Variants in OSBPL6 observed in about 807,000 individuals in gnomAD.
OSBPL6 encodes oxysterol binding protein like 6.
Under a neutral mutation model 125.8 loss-of-function variants are expected in OSBPL6, and 49 were observed. That is an observed-to-expected ratio of 0.39 (90% CI 0.31 to 0.49). The LOEUF is 0.49. Ranked by LOEUF, OSBPL6 falls within the 20% of genes least tolerant of loss-of-function variation. The probability of loss-of-function intolerance (pLI) is 0.88; values close to 1 mark genes in which losing one functional copy is unlikely to be tolerated. For synonymous variants in OSBPL6, 394 were observed against 391.8 expected, an observed-to-expected ratio of 1.01 and a Z score of -0.07; for missense variants, 986 against 1,135.4, an observed-to-expected ratio of 0.87 and a Z score of 1.89.
chr2:178,208,061 G>A (rs1050031046), intron 1 of OSBPL6, among the ~76,000 whole-genome samples: 1 of 152,080 alleles, frequency 6.6e-6, no homozygotes, highest in Non-Finnish European at 1.5e-5. Flanking sequence ...AAGGTGGGCG[G>A]ATCACCTGAG....
intron 23 of OSBPL6, among the ~76,000 whole-genome samples, 183 bp from the exon 24 acceptor site, chr2:178,394,130 C>A (rs1311853131): frequency 6.6e-6 from 1 of 152,146 alleles, no homozygotes. Context: ...TCCTGGGAGG[C>A]AGAGGTTGCA....
rs1437558499 is a variant in OSBPL6 at position 178,400,231 on chromosome 2, A to AT, written c.*4679dup. ...GTTTTTTAATAAAATTGTTGCTAGA[A>AT]TTTTTTTGTCTTTTCAAGTTCTTTT... On this transcript the variant is annotated 3_prime_UTR_variant, in exon 25 of 25. Transcript: ENST00000190611. The AT allele has an allele frequency of 6.9e-6, 1 of 145,694 alleles. No homozygotes were observed. Among genetic ancestry groups the AT allele is most frequent in the Non-Finnish European group, 1.5e-5 (1 of 65,868 alleles). 9.0% of individuals were successfully genotyped at this position (145,694 alleles called of 1,614,324 possible).
intron 1 of OSBPL6, among the ~76,000 whole-genome samples, chr2:178,236,200 T>C (rs375029718): frequency 4.6e-5 from 7 of 152,334 alleles, no homozygotes; most frequent in African/African-American, 1.4e-4. Flanking sequence ...AAAATGATGA[T>C]GAAATACTCT....
At chr2:178,287,671 T>C (rs1457900250) in intron 2 of OSBPL6, among the ~76,000 whole-genome samples, 6 of 152,152 alleles carry the variant, frequency 3.9e-5, no homozygotes, top group Non-Finnish European at 8.8e-5. Flanking sequence ...TGAATTTTGT[T>C]TGCTAGATTC....
intron 12 of OSBPL6, among the ~76,000 whole-genome samples, chr2:178,358,081 C>T (rs1452079126): frequency 2.0e-5 from 3 of 151,840 alleles, no homozygotes; most frequent in Non-Finnish European, 4.4e-5. Flanking sequence ...GGGGCCTGTC[C>T]AGGGGTGAGG....
intron 11 of OSBPL6, among the ~76,000 whole-genome samples, chr2:178,348,019 C>T (rs892256422): frequency 6.6e-6 from 1 of 152,200 alleles, no homozygotes; most frequent in African/African-American, 2.4e-5. Flanking sequence ...TGCCCTTAAC[C>T]TGCAGCTCAG....
intron 1 of OSBPL6, among the ~76,000 whole-genome samples, chr2:178,217,213 A>T (rs1015573705): frequency 1.3e-5 from 2 of 152,210 alleles, no homozygotes; most frequent in Admixed American, 1.3e-4. Flanking sequence ...TCTAAGTGAA[A>T]GGGAAAGAGG....
At chr2:178,387,258 CTTTGCCAAAGT>C in intron 20 of OSBPL6, 119 bp downstream of exon 20, 1 of 738,312 alleles carries the variant, frequency 1.4e-6, no homozygotes, top group Non-Finnish European at 2.1e-6. Context: ...CTTCTGTTAC[CTTTGCCAAAGT>C]TTTGAGAATA....
At chr2:178,250,010 G>A (rs1003356397) in intron 1 of OSBPL6, among the ~76,000 whole-genome samples, 3 of 152,038 alleles carry the variant, frequency 2.0e-5, no homozygotes, top group Admixed American at 6.5e-5. Flanking sequence ...AACAATACCT[G>A]CTAATATTTT....
chr2:178,340,536 T>C (rs952373955), intron 11 of OSBPL6, among the ~76,000 whole-genome samples: 1 of 152,242 alleles, frequency 6.6e-6, no homozygotes, highest in Non-Finnish European at 1.5e-5. Flanking sequence ...ATTCAAAATA[T>C]GGTAGATTAT....
Position 178,336,420 on chromosome 2 carries a change from C to G in OSBPL6, c.777C>G (p.Asp259Glu). The G allele has an allele frequency of 6.2e-7, 1 of 1,613,958 alleles. No individual in the cohort carries two copies. Among genetic ancestry groups the G allele is most frequent in the Non-Finnish European group, 8.5e-7 (1 of 1,179,940 alleles). Residue 259 changes from aspartate (D) to glutamate (E), a missense_variant, in exon 9 of 25, where the codon GAC becomes GAG. By Grantham distance (45) the Asp-to-Glu change is conservative. Around this residue, in one of 3 missense-constraint regions of OSBPL6, gnomAD observed 843 missense variants for 997.3 expected, o/e 0.85. Transcript: ENST00000190611. ...AAWLQDSEEM[D>E]RCAEDLAHCQ... ...GGTTACAGGACTCGGAAGAGATGGA[C>G]AGGTGTGCAGAAGGTTAGTTCTTGC...
chr2:178,282,246 A>G (rs1684266937), intron 1 of OSBPL6, among the ~76,000 whole-genome samples: 1 of 152,240 alleles, frequency 6.6e-6, no homozygotes, highest in African/African-American at 2.4e-5. Flanking sequence ...TTATTTACAT[A>G]GGCAGGTAGC....
At chr2:178,265,191 CTTTTTTTTTTTTTTTTTT>C (rs376718500) in intron 1 of OSBPL6, among the ~76,000 whole-genome samples, 22 of 33,730 alleles carry the variant, frequency 6.5e-4, no homozygotes, top group East Asian at 9.7e-4. Flanking sequence ...CCAGACGAGA[CTTTTTTTTTTTTTTTTTT>C]TTTTTTTTTT....
chr2:178,371,433 A>C (rs1198339622), intron 13 of OSBPL6, among the ~76,000 whole-genome samples: 1 of 152,218 alleles, frequency 6.6e-6, no homozygotes, highest in Non-Finnish European at 1.5e-5. Flanking sequence ...ACTGATGCTA[A>C]CTTAAAGCAT....
chr2:178,371,123 A>G (rs1693340245), intron 13 of OSBPL6, among the ~76,000 whole-genome samples: 1 of 152,364 alleles, frequency 6.6e-6, no homozygotes, highest in Non-Finnish European at 1.5e-5. Flanking sequence ...TGACATTTAT[A>G]TCTTTACATC....
At chr2:178,293,102 C>T (rs1685432124) in intron 2 of OSBPL6, among the ~76,000 whole-genome samples, 2 of 151,792 alleles carry the variant, frequency 1.3e-5, no homozygotes, top group African/African-American at 4.8e-5. Flanking sequence ...GAGGAAGTCT[C>T]GGGTAAAGGG....
intron 11 of OSBPL6, among the ~76,000 whole-genome samples, chr2:178,341,974 T>A (rs1196002228): frequency 6.6e-6 from 1 of 152,164 alleles, no homozygotes; most frequent in East Asian, 1.9e-4. Context: ...CTCAGTATTT[T>A]GCCTAGAGAG....
chr2:178,342,678 G>C (rs570981036), intron 11 of OSBPL6, among the ~76,000 whole-genome samples: 10 of 152,278 alleles, frequency 6.6e-5, no homozygotes, highest in Admixed American at 5.9e-4. Context: ...AAAAATCTCA[G>C]TACCATTATG....
chr2:178,283,850 G>T (rs1027647207), intron 1 of OSBPL6, among the ~76,000 whole-genome samples: 7 of 152,120 alleles, frequency 4.6e-5, no homozygotes, highest in Non-Finnish European at 8.8e-5. Flanking sequence ...AGGAGTCCCA[G>T]GTTCTTTTTC....
Sources: gnomAD v4.1 joint callset for allele counts (sites outside exome capture counted in the v4.1 genomes callset) on GRCh38, gnomAD v4.1.1 for gene constraint, gnomAD v4.1.1 regional missense constraint, MANE v1.5 for transcripts, NCBI Gene and HGNC (gene_info 2026-07-23, HGNC 2026-07-21) for gene names.